R3HDM1: variants seen among roughly 807,000 people sequenced by gnomAD.
The protein encoded by R3HDM1 is R3H domain containing 1, also known as R3H domain-containing protein 1.
Under a neutral mutation model 141.1 loss-of-function variants are expected in R3HDM1, and 46 were observed. The ratio of observed to expected loss-of-function variants is 0.33; its 90% CI spans 0.26 to 0.42. The LOEUF is 0.42. Ranked by LOEUF, R3HDM1 falls within the 10% of genes least tolerant of loss-of-function variation. The probability of loss-of-function intolerance (pLI) is 1.00; values close to 1 mark genes in which losing one functional copy is unlikely to be tolerated. For synonymous variants in R3HDM1, 435 were observed against 472.9 expected, an observed-to-expected ratio of 0.92 and a Z score of 1.04; for missense variants, 1,184 against 1,368.3, an observed-to-expected ratio of 0.87 and a Z score of 2.12.
In R3HDM1 at chr2:135,716,489, C is replaced by T. The variant is rs192521488; in HGVS notation, c.2881+795C>T. ...ACTAATATGGAAACCATTTTATTTC[C>T]TAGAATTTATCCTAAGGATAATGCA... On this transcript the variant is annotated intron_variant, in intron 24 of 26. Transcript: ENST00000683871. Among the ~76,000 whole-genome samples, 5 of 152,164 alleles carry T rather than the reference C, an allele frequency of 3.3e-5. No individual in the cohort carries two copies. The East Asian group carries it at 9.7e-4, about 29-fold the overall frequency.
intron 1 of R3HDM1, among the ~76,000 whole-genome samples, chr2:135,541,876 GAAAGAA>G (rs1330462100): frequency 3.5e-5 from 5 of 142,306 alleles, no homozygotes; most frequent in African/African-American, 1.0e-4. Flanking sequence ...AAAAAAGAAA[GAAAGAA>G]AGAGAAAAGC....
intron 15 of R3HDM1, among the ~76,000 whole-genome samples, chr2:135,643,122 T>C (rs10168730): frequency 0.031 from 4,718 of 152,210 alleles, 212 homozygotes; most frequent in African/African-American, 0.098. Context: ...AATCAAAAAG[T>C]GATCTCTGGT....
At chr2:135,617,358 A>G (rs2061138097) in intron 5 of R3HDM1, among the ~76,000 whole-genome samples, 1 of 151,838 alleles carries the variant, frequency 6.6e-6, no homozygotes, top group South Asian at 2.1e-4. Flanking sequence ...TTAAGGTAGC[A>G]TTTCCAGTGA....
rs2072021315 is a variant in R3HDM1, at chr2:135,689,814, G to A, written c.2459+9490G>A. ...GAGATTTTTCTCAGTCCTTAGTGTGGAGAGAAAATTAGTTTGATACCAGCA... is the reference window on the plus strand; with the variant it reads ...GAGATTTTTCTCAGTCCTTAGTGTGAAGAGAAAATTAGTTTGATACCAGCA... On this transcript the variant is annotated intron_variant, in intron 21 of 26. Coordinates refer to ENST00000683871, the MANE Select transcript of R3HDM1 (RefSeq NM_001378107.1). 3.3e-5 allele frequency among the ~76,000 whole-genome samples: 5 copies of A among 152,268 alleles called. No individual in the cohort carries two copies. In the South Asian group the frequency reaches 1.0e-3, roughly 32 times the overall value.
At chr2:135,613,661 C>A (rs2060753040) in intron 3 of R3HDM1, among the ~76,000 whole-genome samples, 1 of 152,016 alleles carries the variant, frequency 6.6e-6, no homozygotes. Flanking sequence ...ACTAAAAATA[C>A]AAAAATTAGC....
chr2:135,534,096 G>T, intron 1 of R3HDM1: 1 of 926,740 alleles, frequency 1.1e-6, no homozygotes, highest in East Asian at 1.2e-4. Context: ...CACAGTTTGC[G>T]ACTAGTTATT....
intron 20 of R3HDM1, among the ~76,000 whole-genome samples, chr2:135,677,762 T>C (rs1574949391): frequency 6.6e-6 from 1 of 152,204 alleles, no homozygotes; most frequent in Non-Finnish European, 1.5e-5. Flanking sequence ...TGGCTCCTAC[T>C]ACATTTGATA....
intron 21 of R3HDM1, among the ~76,000 whole-genome samples, chr2:135,684,919 C>T (rs2071073252): frequency 6.6e-6 from 1 of 152,034 alleles, no homozygotes; most frequent in Non-Finnish European, 1.5e-5. Context: ...CGCACCACCA[C>T]ACTCAGCTAA....
In R3HDM1 at chr2:135,670,395, A is replaced by G. The variant is rs1310087229; in HGVS notation, c.2153-4937A>G. 4.1e-6 allele frequency: 4 copies of G among 976,196 alleles called. No individual in the cohort carries two copies. The African/African-American group carries it at 7.0e-5, about 17-fold the overall frequency. The allele number at this position is 976,196 out of a possible 1,614,324, so 60.5% of individuals were successfully genotyped here. A position where few individuals can be genotyped will look rare whatever the true frequency, so the allele number is the denominator to read the frequency against. ...CCTTCATCCTGAAAGTACAGTAAAGATCAGTTGAGTTGTTTGATGTTAAAC... is the reference window on the plus strand; with the variant it reads ...CCTTCATCCTGAAAGTACAGTAAAGGTCAGTTGAGTTGTTTGATGTTAAAC... On this transcript the variant is annotated intron_variant, in intron 19 of 26. Transcript: ENST00000683871.
At chr2:135,692,050 T>A (rs1398679121) in intron 21 of R3HDM1, among the ~76,000 whole-genome samples, 1 of 151,944 alleles carries the variant, frequency 6.6e-6, no homozygotes, top group Non-Finnish European at 1.5e-5. Context: ...GTAGCTGAGA[T>A]TACAGGCTGC....
chr2:135,622,470 C>T (rs1397312825), intron 6 of R3HDM1, 184 bp from the exon 7 acceptor site: 1 of 983,574 alleles, frequency 1.0e-6, no homozygotes, highest in Non-Finnish European at 1.2e-6. Context: ...TCATGTCATG[C>T]ACATTATATG....
At chr2:135,553,061 G>A (rs1055201416) in intron 1 of R3HDM1, among the ~76,000 whole-genome samples, 1 of 151,934 alleles carries the variant, frequency 6.6e-6, no homozygotes, top group Non-Finnish European at 1.5e-5. Context: ...GTAGAGACAG[G>A]GTCTCACTGT....
intron 5 of R3HDM1, among the ~76,000 whole-genome samples, chr2:135,617,341 A>G (rs1574389229): frequency 6.6e-6 from 1 of 151,764 alleles, no homozygotes; most frequent in East Asian, 1.9e-4. Context: ...AAAAATATAT[A>G]TATATATTAA....
chr2:135,568,778 G>C (rs1703392470), intron 1 of R3HDM1: 1 of 152,190 alleles, frequency 6.6e-6, no homozygotes, highest in South Asian at 2.1e-4. Flanking sequence ...TGACCTCTCG[G>C]AAGAAAGGGA....
Position 135,636,176 on chromosome 2 carries a change from C to T in R3HDM1, c.896C>T (p.Ser299Phe). 3 of 1,612,480 alleles carry T rather than the reference C, an allele frequency of 1.9e-6. No individual in the cohort carries two copies. In the African/African-American group the frequency reaches 4.0e-5, roughly 22 times the overall value. The part of the protein sequence containing the change: ...EYQRARDRIF[S>F]QDSLCSQENY... ...CAGAGAGCCAGAGACCGAATATTTT[C>T]CCAAGATGTACGTACTAACTTACTT... is the stretch of plus-strand genomic sequence containing the variant. The change falls in exon 11 of 27, where the codon TCC becomes TTC. Residue 299 changes from serine to phenylalanine, a missense_variant. Ser to Phe is a radical substitution (Grantham distance 155). Around this residue, in one of 5 missense-constraint regions of R3HDM1, gnomAD observed 240 missense variants for 312.3 expected, o/e 0.77. Coordinates refer to ENST00000683871, the MANE Select transcript of R3HDM1 (RefSeq NM_001378107.1).
chr2:135,613,943 A>G (rs1243622638), intron 3 of R3HDM1, among the ~76,000 whole-genome samples: 6 of 152,228 alleles, frequency 3.9e-5, no homozygotes, highest in African/African-American at 7.2e-5. Context: ...TTAATCCACA[A>G]TAAAGTTTTT....
intron 21 of R3HDM1, among the ~76,000 whole-genome samples, chr2:135,684,022 C>G (rs980059113): frequency 2.0e-5 from 3 of 151,568 alleles, no homozygotes; most frequent in Admixed American, 6.6e-5. Flanking sequence ...GGAACAGGGC[C>G]TAGCATAGAG....
intron 1 of R3HDM1, among the ~76,000 whole-genome samples, chr2:135,533,219 G>A (rs772829258): frequency 4.6e-5 from 7 of 152,148 alleles, no homozygotes; most frequent in Non-Finnish European, 1.0e-4. Flanking sequence ...GAGGTGAGAG[G>A]ATCACTTGAG....
intron 1 of R3HDM1, among the ~76,000 whole-genome samples, chr2:135,569,852 G>A (rs567694948): frequency 6.6e-6 from 1 of 151,508 alleles, no homozygotes; most frequent in East Asian, 2.0e-4. Context: ...TCAGCCTCCC[G>A]AGTAGCTGGG....
Sources: allele counts gnomAD v4.1 joint callset (sites outside exome capture counted in the v4.1 genomes callset), GRCh38; gene constraint gnomAD v4.1.1; regional missense constraint gnomAD v4.1.1; transcripts MANE v1.5; gene names NCBI Gene and HGNC (gene_info 2026-07-23, HGNC 2026-07-21).